Variants in PHACTR1 observed in about 807,000 individuals in gnomAD.
PHACTR1 encodes the protein phosphatase and actin regulator 1.
PHACTR1 carries 16 observed loss-of-function variants against 69.2 expected under a neutral mutation model. The ratio of observed to expected loss-of-function variants is 0.23; its 90% CI spans 0.16 to 0.35. The LOEUF is 0.35. PHACTR1 is among the 10% of genes least tolerant of loss of function. The pLI is 1.00. For missense variants in PHACTR1, 510 were observed against 734.7 expected (o/e 0.69, Z 3.54); for synonymous variants, 312 against 284.5 (o/e 1.10, Z -0.97).
At chr6:13,279,692 T>C (rs1008920757) in intron 12 of PHACTR1, 1 of 152,196 alleles carries the variant, frequency 6.6e-6, no homozygotes, top group African/African-American at 2.4e-5. Context: ...TGGTGGAGAC[T>C]AGAGCAAGAG....
rs1341336014 is a variant in PHACTR1 at position 12,976,439 on chromosome 6, GT to G, written c.251-76923del. On this transcript the variant is annotated intron_variant, in intron 4 of 14. Coordinates refer to ENST00000332995, the MANE Select transcript of PHACTR1 (RefSeq NM_030948.6). ...TCAAGAAGAAACCAGGACCTTGAAA[GT>G]TTCAGAGATTTGGCCACCAGGACTC... Among the ~76,000 whole-genome samples the G allele has an allele frequency of 1.1e-4, 17 of 152,266 alleles. No homozygotes were observed. In the East Asian group the frequency reaches 3.3e-3, roughly 29 times the overall value.
At chr6:13,285,336 G>A (rs1398909261) in intron 13 of PHACTR1, among the ~76,000 whole-genome samples, 1 of 152,154 alleles carries the variant, frequency 6.6e-6, no homozygotes, top group Non-Finnish European at 1.5e-5. Flanking sequence ...CCTACAGGAA[G>A]ACTTTTCTCT....
intron 4 of PHACTR1, among the ~76,000 whole-genome samples, chr6:12,776,674 A>G (rs1445089625): frequency 6.6e-6 from 1 of 152,220 alleles, no homozygotes; most frequent in Non-Finnish European, 1.5e-5. Flanking sequence ...TGGATGTATT[A>G]TTTTAAAGTT....
chr6:12,800,497 G>A (rs1217888420), intron 4 of PHACTR1, among the ~76,000 whole-genome samples: 1 of 152,142 alleles, frequency 6.6e-6, no homozygotes, highest in African/African-American at 2.4e-5. Context: ...AAAGTTAAAA[G>A]AGTGACTCCT....
At chr6:13,077,577 A>C (rs1452106366) in intron 5 of PHACTR1, among the ~76,000 whole-genome samples, 1 of 152,240 alleles carries the variant, frequency 6.6e-6, no homozygotes, top group East Asian at 1.9e-4. Flanking sequence ...GGGTTTAGAC[A>C]TGGAAAGCAG....
chr6:13,215,842 A>G (rs778501962), intron 8 of PHACTR1, among the ~76,000 whole-genome samples: 2 of 152,216 alleles, frequency 1.3e-5, no homozygotes, highest in Non-Finnish European at 1.5e-5. Flanking sequence ...ATCTGTGTTA[A>G]CATGGATAAG....
chr6:13,248,825 A>C (rs1043737774), intron 10 of PHACTR1, among the ~76,000 whole-genome samples: 1 of 152,224 alleles, frequency 6.6e-6, no homozygotes, highest in African/African-American at 2.4e-5. Context: ...CTAAAGCACA[A>C]GCAAGGGACA....
chr6:13,257,377 G>T (rs1775328816), intron 10 of PHACTR1, among the ~76,000 whole-genome samples: 1 of 152,130 alleles, frequency 6.6e-6, no homozygotes, highest in Non-Finnish European at 1.5e-5. Flanking sequence ...TTTGGGTGGG[G>T]ACACAGATCC....
intron 4 of PHACTR1, among the ~76,000 whole-genome samples, chr6:12,751,556 T>C (rs1336336695): frequency 6.6e-6 from 1 of 152,226 alleles, no homozygotes; most frequent in Non-Finnish European, 1.5e-5. Context: ...AGTACTTTTA[T>C]CACAAAACAA....
intron 5 of PHACTR1, among the ~76,000 whole-genome samples, chr6:13,121,231 A>G (rs951939875): frequency 1.8e-4 from 27 of 152,264 alleles, no homozygotes; most frequent in African/African-American, 6.0e-4. Flanking sequence ...TGGGCTGGGG[A>G]TGGAGGCACT....
intron 5 of PHACTR1, among the ~76,000 whole-genome samples, chr6:13,095,209 G>T (rs1813983120): frequency 6.6e-6 from 1 of 152,208 alleles, no homozygotes. Flanking sequence ...TTTTCTTACA[G>T]CAGCTTGAGC....
intron 4 of PHACTR1, among the ~76,000 whole-genome samples, chr6:13,007,376 A>G (rs1449311014): frequency 6.6e-6 from 1 of 152,216 alleles, no homozygotes; most frequent in Non-Finnish European, 1.5e-5. Flanking sequence ...AAATGTAAAG[A>G]AACTGAATAC....
chr6:12,718,703 TCCAG>T lies in PHACTR1; in HGVS notation c.-41_-38del. The T allele has an allele frequency of 9.0e-7, 1 of 1,111,546 alleles. No individual in the cohort carries two copies. Among genetic ancestry groups the T allele is most frequent in the Non-Finnish European group, 1.3e-6 (1 of 769,006 alleles). 68.9% of individuals were successfully genotyped at this position (1,111,546 alleles called of 1,614,324 possible). ...ATTTTTTTTTCCTCTTTATAGGTGT[TCCAG>T]TGTTTTCTCTCAAAACTCTGTGTTT... On this transcript the variant is annotated 5_prime_UTR_variant, in exon 3 of 15. Transcript: ENST00000332995.
At chr6:12,957,577 G>A in intron 4 of PHACTR1, 1 of 985,692 alleles carries the variant, frequency 1.0e-6, no homozygotes, top group South Asian at 4.7e-5. Flanking sequence ...CCGGCTGGAG[G>A]CTGCCACTTT....
At chr6:12,915,502 C>G (rs1383504611) in intron 4 of PHACTR1, among the ~76,000 whole-genome samples, 1 of 130,224 alleles carries the variant, frequency 7.7e-6, no homozygotes, top group Non-Finnish European at 1.6e-5. Context: ...GTGAAACTCT[C>G]TCTCAAAAAA....
intron 4 of PHACTR1, among the ~76,000 whole-genome samples, chr6:12,872,659 A>C (rs1351999856): frequency 1.3e-5 from 2 of 152,204 alleles, no homozygotes. Context: ...GGTTCCTTTC[A>C]GTCCTGTAGT....
chr6:13,071,132 TGAAA>T (rs1356716995), intron 5 of PHACTR1, among the ~76,000 whole-genome samples: 39 of 151,968 alleles, frequency 2.6e-4, no homozygotes, highest in African/African-American at 8.9e-4. Context: ...ATCGCATGAA[TGAAA>T]GAAAGTTGTG....
chr6:12,926,711 C>G (rs181535855), intron 4 of PHACTR1, among the ~76,000 whole-genome samples: 2 of 152,364 alleles, frequency 1.3e-5, no homozygotes, highest in East Asian at 3.9e-4. Context: ...TTCCTCCCAA[C>G]AGGATTTATA....
intron 4 of PHACTR1, among the ~76,000 whole-genome samples, chr6:12,775,287 A>G (rs1230308888): frequency 2.0e-5 from 3 of 152,218 alleles, no homozygotes; most frequent in Non-Finnish European, 4.4e-5. Context: ...TAATGAAATA[A>G]CACTTCTTAT....
Sources: gnomAD v4.1 joint callset for allele counts (sites outside exome capture counted in the v4.1 genomes callset) on GRCh38, gnomAD v4.1.1 for gene constraint, MANE v1.5 for transcripts, NCBI Gene and HGNC (gene_info 2026-07-23, HGNC 2026-07-21) for gene names.